BUB1: variants seen among roughly 807,000 people sequenced by gnomAD.
BUB1 encodes BUB1 mitotic checkpoint serine/threonine kinase, also known as mitotic checkpoint serine/threonine-protein kinase BUB1.
Under a neutral mutation model 135.2 loss-of-function variants are expected in BUB1, and 84 were observed. That is an observed-to-expected ratio of 0.62 (90% CI 0.52 to 0.74). The LOEUF is 0.74. Among genes scored for constraint, BUB1 ranks in the 30% least tolerant of loss-of-function variants. The pLI is 0.00. For missense variants in BUB1, 1,162 were observed against 1,288.3 expected (o/e 0.90, Z 1.50); for synonymous variants, 403 against 434.4 (o/e 0.93, Z 0.90).
chr2:110,641,581 C>CA, intron 21 of BUB1, 61 bp downstream of exon 21: 1 of 1,575,276 alleles, frequency 6.3e-7, no homozygotes, highest in East Asian at 2.2e-5. Context: ...AAAGTACGTG[C>CA]AAGGTACAAG....
rs1393005501 is a variant in BUB1, at chr2:110,650,533, T to G, written c.2203+13A>C. On this transcript the variant is annotated intron_variant, in intron 18 of 24. Transcript: ENST00000302759. The stretch of plus-strand genomic sequence containing the variant: ...CCTGATTCAAGGGCATAACAAAGAG[T>G]GAGTGTTCGTACTTGGAGCATCAAC... The G allele has an allele frequency of 6.2e-7, 1 of 1,609,426 alleles. No homozygotes were observed. The highest frequency in any genetic ancestry group is 1.1e-5 in the South Asian group (1 of 90,958).
chr2:110,651,143 T>C (rs1689775020), intron 17 of BUB1, among the ~76,000 whole-genome samples: 1 of 152,196 alleles, frequency 6.6e-6, no homozygotes, highest in South Asian at 2.1e-4. Flanking sequence ...GCTGCTTTTA[T>C]AACATTGAAA....
chr2:110,671,996 G>A (rs1690435953), intron 4 of BUB1, among the ~76,000 whole-genome samples: 1 of 152,204 alleles, frequency 6.6e-6, no homozygotes, highest in Admixed American at 6.5e-5. Context: ...GCCGAGTGAG[G>A]CAGGAAGATC....
chr2:110,673,529 G>C (rs915151332), intron 3 of BUB1, among the ~76,000 whole-genome samples: 1 of 151,536 alleles, frequency 6.6e-6, no homozygotes, highest in African/African-American at 2.4e-5. Context: ...TTGAATTGGA[G>C]ACACAACTAC....
intron 4 of BUB1, among the ~76,000 whole-genome samples, chr2:110,671,825 G>A (rs1340349047): frequency 2.0e-5 from 3 of 152,216 alleles, no homozygotes; most frequent in African/African-American, 4.8e-5. Flanking sequence ...CAAGGAAAAT[G>A]CCAAAAGGTT....
intron 23 of BUB1, among the ~76,000 whole-genome samples, chr2:110,640,577 C>CTATTACA (rs1417837274): frequency 6.6e-6 from 1 of 152,196 alleles, no homozygotes; most frequent in Admixed American, 6.5e-5. Context: ...GCTGTACCAT[C>CTATTACA]TATTACAGTC....
intron 19 of BUB1, among the ~76,000 whole-genome samples, chr2:110,643,923 A>G (rs1689570664): frequency 1.3e-5 from 2 of 152,068 alleles, no homozygotes; most frequent in Admixed American, 1.3e-4. Flanking sequence ...AAGCAAAAAA[A>G]GGTGCTAGAA....
chr2:110,638,550 G>A (rs559114336), intron 24 of BUB1, among the ~76,000 whole-genome samples: 1 of 152,216 alleles, frequency 6.6e-6, no homozygotes, highest in South Asian at 2.1e-4. Context: ...GGACCAAGTA[G>A]ACAGGTTGGA....
intron 17 of BUB1, among the ~76,000 whole-genome samples, chr2:110,652,755 C>A (rs959662948): frequency 1.3e-5 from 2 of 152,164 alleles, no homozygotes; most frequent in Middle Eastern, 3.2e-3. Flanking sequence ...TAAATTTATA[C>A]ATGCAATTTC....
At chr2:110,657,960 C>A (rs1419787946) in intron 13 of BUB1, among the ~76,000 whole-genome samples, 1 of 152,204 alleles carries the variant, frequency 6.6e-6, no homozygotes, top group Non-Finnish European at 1.5e-5. Flanking sequence ...CCATTTCCTT[C>A]AAGAAAGAAT....
Position 110,668,243 on chromosome 2 carries a change from C to G in BUB1, c.568-394G>C, listed in dbSNP as rs147806163. On this transcript the variant is annotated intron_variant, in intron 6 of 24. Coordinates refer to ENST00000302759, the MANE Select transcript of BUB1 (RefSeq NM_004336.5). ...ATTAAAATTTTCCTCAGGTACTACTCTGCCCTCAAGAGTTCTCAAATTCCT... is the reference window on the plus strand; with the variant it reads ...ATTAAAATTTTCCTCAGGTACTACTGTGCCCTCAAGAGTTCTCAAATTCCT... Among the ~76,000 whole-genome samples the G allele has an allele frequency of 3.9e-4, 60 of 152,154 alleles. No homozygotes were observed. The East Asian group carries it at 0.012, about 29-fold the overall frequency.
Position 110,661,777 on chromosome 2 carries a change from G to A in BUB1, c.1022C>T (p.Pro341Leu). The A allele has an allele frequency of 6.2e-7, 1 of 1,614,190 alleles. No individual in the cohort carries two copies. The highest frequency in any genetic ancestry group is 1.7e-5 in the Admixed American group (1 of 60,028). ...SQQELRAPCL[P>L]VTYQQTPVNM... ...CACTGGTGTCTGCTGATAGGTTACT[G>A]GAAGACATGGCGCTCTCAGTTCCTG... is the stretch of plus-strand genomic sequence containing the variant. The change falls in exon 10 of 25, where the codon CCA (proline) becomes CTA (leucine). Residue 341 changes from proline (P) to leucine (L), a missense_variant. Physicochemically the swap from Pro to Leu is moderately conservative, Grantham distance 98. Transcript: ENST00000302759.
chr2:110,639,665 T>TC (rs1689449593), intron 24 of BUB1, 77 bp downstream of exon 24: 1 of 1,206,762 alleles, frequency 8.3e-7, no homozygotes, highest in East Asian at 2.3e-5. Flanking sequence ...AGATCCTTTT[T>TC]TTTTTTTTGC....
chr2:110,667,528 C>A lies in BUB1; in HGVS notation c.798G>T (p.Glu266Asp), dbSNP rs1345408033. 2 of 1,611,590 alleles carry A rather than the reference C, an allele frequency of 1.2e-6. No individual in the cohort carries two copies. The highest frequency in any genetic ancestry group is 2.7e-5 in the African/African-American group (2 of 74,814). Residue 266 changes from glutamate to aspartate, a missense_variant, in exon 8 of 25, where the codon GAG becomes GAT. Physicochemically the swap from Glu to Asp is conservative, Grantham distance 45 (BLOSUM62 2). Transcript: ENST00000302759. Reference protein sequence around the residue: ...AQKYNQRRKHEQWVNEDRHYM... With the variant: ...AQKYNQRRKHDQWVNEDRHYM... ...ATACAAGATTGCAAGTACCCCATTG[C>A]TCATGCTTTCTCCGTTGATTGTATT...
At chr2:110,668,599 A>G (rs1019531931) in intron 6 of BUB1, among the ~76,000 whole-genome samples, 1 of 152,208 alleles carries the variant, frequency 6.6e-6, no homozygotes, top group Non-Finnish European at 1.5e-5. Flanking sequence ...GGAGGGTAAC[A>G]TGGGAAACAT....
intron 18 of BUB1, 61 bp from the exon 19 acceptor site, chr2:110,649,438 C>A (rs912982103): frequency 1.3e-5 from 18 of 1,424,702 alleles, no homozygotes; most frequent in African/African-American, 2.9e-5. Flanking sequence ...AAGAACTTTA[C>A]CAAATAAATT....
rs186351648 is a variant in BUB1 at position 110,643,972 on chromosome 2, A to G, written c.2348-1738T>C. Among the ~76,000 whole-genome samples the G allele has an allele frequency of 5.1e-4, 75 of 146,070 alleles. No homozygotes were observed. The Middle Eastern group carries it at 0.011, about 21-fold the overall frequency. ...GTAACAGAAATAAAGAATGCCTTTG[A>G]TTGACTCACCAATAGACTATACATG... On this transcript the variant is annotated intron_variant, in intron 19 of 24. Coordinates refer to ENST00000302759, the MANE Select transcript of BUB1 (RefSeq NM_004336.5).
At chr2:110,671,026 G>A (rs1437193806) in intron 4 of BUB1, among the ~76,000 whole-genome samples, 1 of 152,166 alleles carries the variant, frequency 6.6e-6, no homozygotes, top group African/African-American at 2.4e-5. Context: ...TCTCAAATAT[G>A]TCATTTCATG....
At chr2:110,655,629 G>A in intron 16 of BUB1, 110 bp downstream of exon 16, 1 of 1,060,598 alleles carries the variant, frequency 9.4e-7, no homozygotes. Flanking sequence ...GATTTTCAAA[G>A]TTCCCATGTG....
Sources: allele counts gnomAD v4.1 joint callset (sites outside exome capture counted in the v4.1 genomes callset), GRCh38; gene constraint gnomAD v4.1.1; transcripts MANE v1.5; gene names NCBI Gene and HGNC (gene_info 2026-07-23, HGNC 2026-07-21).